Variants in FRMD5 observed in about 807,000 individuals in gnomAD.
FRMD5 encodes the protein FERM domain-containing protein 5.
A neutral mutation model predicts 69.0 loss-of-function variants in FRMD5; 20 were observed. That is an observed-to-expected ratio of 0.29 (90% CI 0.20 to 0.42). The LOEUF is 0.42. Among genes scored for constraint, FRMD5 ranks in the 10% least tolerant of loss-of-function variants. The probability of loss-of-function intolerance (pLI) is 1.00; values close to 1 mark genes in which losing one functional copy is unlikely to be tolerated. For missense variants in FRMD5, 595 were observed against 708.6 expected (o/e 0.84, Z 1.82); for synonymous variants, 271 against 260.1 (o/e 1.04, Z -0.40).
intron 4 of FRMD5, among the ~76,000 whole-genome samples, chr15:43,917,989 A>C (rs1245364070): frequency 6.6e-6 from 1 of 152,188 alleles, no homozygotes; most frequent in Non-Finnish European, 1.5e-5. Context: ...CGAAGAAGCC[A>C]CTTTTCTCCC....
At chr15:43,961,199 C>T (rs375148713) in intron 1 of FRMD5, among the ~76,000 whole-genome samples, 2 of 152,140 alleles carry the variant, frequency 1.3e-5, no homozygotes, top group East Asian at 3.9e-4. Context: ...CAAATAGATG[C>T]AATAAAAAAT....
At chr15:44,177,444 G>A (rs2077917848) in intron 1 of FRMD5, among the ~76,000 whole-genome samples, 1 of 152,082 alleles carries the variant, frequency 6.6e-6, no homozygotes, top group Non-Finnish European at 1.5e-5. Flanking sequence ...ATTATACTAA[G>A]TGAAAGAAGT....
At chr15:44,042,851 C>T (rs954617911) in intron 1 of FRMD5, among the ~76,000 whole-genome samples, 1 of 152,208 alleles carries the variant, frequency 6.6e-6, no homozygotes, top group African/African-American at 2.4e-5. Context: ...GGAAGCATTC[C>T]CTTTGAAAAC....
chr15:43,976,482 A>G (rs2140601376), intron 1 of FRMD5, among the ~76,000 whole-genome samples: 1 of 152,312 alleles, frequency 6.6e-6, no homozygotes, highest in African/African-American at 2.4e-5. Context: ...AAAAGATTTG[A>G]ACAGACACTT....
intron 1 of FRMD5, among the ~76,000 whole-genome samples, chr15:44,127,552 C>G (rs1002796288): frequency 6.6e-6 from 1 of 152,088 alleles, no homozygotes; most frequent in African/African-American, 2.4e-5. Flanking sequence ...GCTCTTGGCT[C>G]TCCTTTCCCT....
intron 1 of FRMD5, among the ~76,000 whole-genome samples, chr15:44,117,462 T>A (rs1321915168): frequency 6.6e-6 from 1 of 152,002 alleles, no homozygotes; most frequent in East Asian, 1.9e-4. Context: ...GGGAAAAAAA[T>A]CAGATTGGGG....
intron 1 of FRMD5, among the ~76,000 whole-genome samples, chr15:44,100,655 C>G (rs1290922032): frequency 6.6e-6 from 1 of 152,152 alleles, no homozygotes; most frequent in Non-Finnish European, 1.5e-5. Flanking sequence ...AAGTGACAAC[C>G]ATCAATGAGA....
At position 44,195,147 on chromosome 15, in the gene FRMD5, A is replaced by G. The variant is rs1040567517; in HGVS notation, c.-93T>C. 13 of 920,542 alleles carry G rather than the reference A, an allele frequency of 1.4e-5. No individual in the cohort carries two copies. The highest frequency in any genetic ancestry group is 2.0e-5 in the Non-Finnish European group (13 of 653,306). The allele number at this position is 920,542 out of a possible 1,614,324, so 57.0% of individuals were successfully genotyped here. On this transcript the variant is annotated 5_prime_UTR_variant, in exon 1 of 14. Coordinates refer to ENST00000417257, the MANE Select transcript of FRMD5 (RefSeq NM_032892.5). ...CGGCAGCTCCGCACCGACCCCAGGC[A>G]CCTGCACCATCACCCCGGCCCCGTC...
intron 1 of FRMD5, among the ~76,000 whole-genome samples, chr15:44,193,113 A>G (rs959195064): frequency 6.6e-6 from 1 of 152,242 alleles, no homozygotes; most frequent in African/African-American, 2.4e-5. Flanking sequence ...AACTGGGAAA[A>G]AAATAACTAT....
intron 1 of FRMD5, among the ~76,000 whole-genome samples, chr15:44,093,729 T>G (rs569594513): frequency 1.9e-4 from 29 of 151,936 alleles, no homozygotes; most frequent in Admixed American, 7.9e-4. Flanking sequence ...CCCTCCACCA[T>G]GCCCGGCTAA....
rs1025529469 is a variant in FRMD5, at chr15:43,873,059, C to T, written c.*826G>A. The T allele has an allele frequency of 1.0e-5, 9 of 888,484 alleles. No homozygotes were observed. The highest frequency in any genetic ancestry group is 1.6e-5 in the Non-Finnish European group (9 of 565,706). 55.0% of individuals were successfully genotyped at this position (888,484 alleles called of 1,614,324 possible). A position where few individuals can be genotyped will look rare whatever the true frequency, so the allele number is the denominator to read the frequency against. ...CTGAATTCGTTTAACGCCCCTGGAG[C>T]ACTATAAAAGTCTTGAGGTTCTTCG... On this transcript the variant is annotated 3_prime_UTR_variant, in exon 14 of 14. Coordinates refer to ENST00000417257, the MANE Select transcript of FRMD5 (RefSeq NM_032892.5).
At chr15:43,904,906 G>A (rs779413153) in intron 6 of FRMD5, among the ~76,000 whole-genome samples, 4 of 152,056 alleles carry the variant, frequency 2.6e-5, no homozygotes, top group African/African-American at 4.8e-5. Flanking sequence ...TTGAAGCCAC[G>A]TCTCCTCCAC....
intron 1 of FRMD5, among the ~76,000 whole-genome samples, chr15:43,947,144 T>C (rs1360017826): frequency 6.6e-6 from 1 of 152,258 alleles, no homozygotes; most frequent in African/African-American, 2.4e-5. Context: ...TTCTGTTTCA[T>C]TGTATAATAT....
chr15:43,981,442 G>A (rs1179112900), intron 1 of FRMD5, among the ~76,000 whole-genome samples: 2 of 152,214 alleles, frequency 1.3e-5, no homozygotes, highest in South Asian at 2.1e-4. Flanking sequence ...AGGAGGAAAA[G>A]GGGTTGGTCT....
At chr15:43,970,809 T>A (rs2090364078) in intron 1 of FRMD5, among the ~76,000 whole-genome samples, 1 of 152,200 alleles carries the variant, frequency 6.6e-6, no homozygotes, top group Non-Finnish European at 1.5e-5. Context: ...AAATGAGACG[T>A]CTTTTTCTCC....
chr15:43,892,733 A>T (rs975795818), intron 7 of FRMD5, among the ~76,000 whole-genome samples: 2 of 152,252 alleles, frequency 1.3e-5, no homozygotes, highest in African/African-American at 4.8e-5. Flanking sequence ...CAAGTGAAAG[A>T]AGCCAGTCAC....
At chr15:44,187,962 C>T (rs1363168964) in intron 1 of FRMD5, among the ~76,000 whole-genome samples, 1 of 152,090 alleles carries the variant, frequency 6.6e-6, no homozygotes, top group Non-Finnish European at 1.5e-5. Flanking sequence ...TCCCAAACTC[C>T]AACCCAAATC....
chr15:43,932,311 G>C (rs1175306446), intron 1 of FRMD5, among the ~76,000 whole-genome samples: 1 of 152,166 alleles, frequency 6.6e-6, no homozygotes, highest in Non-Finnish European at 1.5e-5. Flanking sequence ...CCCAAGATCT[G>C]GGAGTGGCTA....
intron 7 of FRMD5, among the ~76,000 whole-genome samples, chr15:43,900,319 G>A (rs1408647963): frequency 2.0e-5 from 3 of 152,202 alleles, no homozygotes; most frequent in Admixed American, 1.3e-4. Context: ...AACTGCATCT[G>A]TTACACAGAG....
Sources: gnomAD v4.1 joint callset for allele counts (sites outside exome capture counted in the v4.1 genomes callset) on GRCh38, gnomAD v4.1.1 for gene constraint, MANE v1.5 for transcripts, NCBI Gene and HGNC (gene_info 2026-07-23, HGNC 2026-07-21) for gene names.